The following EXOC4 variants were observed in gnomAD, a reference collection of about 807,000 sequenced individuals.
The protein encoded by EXOC4 is SEC8-like 1.
EXOC4 carries 71 observed loss-of-function variants against 107.2 expected under a neutral mutation model. That is an observed-to-expected ratio of 0.66 (90% CI 0.55 to 0.81). The LOEUF (loss-of-function observed/expected upper bound fraction) is 0.81. EXOC4 is among the 30% of genes least tolerant of loss of function. The pLI, the probability that EXOC4 is intolerant of heterozygous loss-of-function variation, is 0.00. For missense variants in EXOC4, 1,108 were observed against 1,189.6 expected, an observed-to-expected ratio of 0.93 and a Z score of 1.01; for synonymous variants, 456 against 441.2, an observed-to-expected ratio of 1.03 and a Z score of -0.42.
At chr7:133,531,978 G>A (rs545269003) in intron 9 of EXOC4, among the ~76,000 whole-genome samples, 6 of 152,036 alleles carry the variant, frequency 3.9e-5, no homozygotes, top group South Asian at 2.1e-4. Context: ...GTCTAAACAC[G>A]AAATTCATTT....
chr7:133,617,627 C>A (rs1802225445), intron 9 of EXOC4, among the ~76,000 whole-genome samples: 2 of 152,102 alleles, frequency 1.3e-5, no homozygotes, highest in Admixed American at 6.6e-5. Context: ...GGGAGTCTGA[C>A]AGAAGCATCC....
rs189866566 is a variant in EXOC4 at position 133,262,881 on chromosome 7, A to C, written c.86+9694A>C. 1.6e-4 allele frequency among the ~76,000 whole-genome samples: 25 copies of C among 152,284 alleles called. 1 individual carries two copies. The highest frequency in any genetic ancestry group is 5.8e-4 in the African/African-American group (24 of 41,566). On this transcript the variant is annotated intron_variant, in intron 1 of 17. Coordinates refer to ENST00000253861, the MANE Select transcript of EXOC4 (RefSeq NM_021807.4). The stretch of plus-strand genomic sequence containing the variant: ...TGTCCTCACCCAAATCTCATCTTGA[A>C]TTGTAGCTCCCATAATTTCCATGTG...
chr7:133,477,052 G>A (rs1799031812), intron 8 of EXOC4, among the ~76,000 whole-genome samples: 1 of 152,186 alleles, frequency 6.6e-6, no homozygotes, highest in South Asian at 2.1e-4. Context: ...GAAAAGTAGA[G>A]CAGGAAGTAC....
At chr7:133,480,525 G>GA in intron 9 of EXOC4, 1 of 881,496 alleles carries the variant, frequency 1.1e-6, no homozygotes, top group Non-Finnish European at 1.4e-6. Flanking sequence ...ATTTGGGAAA[G>GA]GGAAAATGCA....
chr7:133,481,912 G>A (rs865802736), intron 9 of EXOC4, among the ~76,000 whole-genome samples: 14 of 152,310 alleles, frequency 9.2e-5, no homozygotes, highest in Middle Eastern at 3.4e-3. Flanking sequence ...GCTGCCAAGA[G>A]TGAAAGGAAA....
chr7:133,723,727 G>A (rs1446666585), intron 10 of EXOC4, among the ~76,000 whole-genome samples: 1 of 152,136 alleles, frequency 6.6e-6, no homozygotes, highest in Non-Finnish European at 1.5e-5. Flanking sequence ...CTGGCCTCGG[G>A]TAAGGTACAT....
At chr7:133,866,572 T>C (rs1798645273) in intron 11 of EXOC4, among the ~76,000 whole-genome samples, 2 of 152,204 alleles carry the variant, frequency 1.3e-5, no homozygotes, top group African/African-American at 4.8e-5. Flanking sequence ...ATTGGTTAAT[T>C]TGAGGCATTG....
intron 9 of EXOC4, among the ~76,000 whole-genome samples, chr7:133,602,842 C>G (rs140245447): frequency 8.1e-4 from 124 of 152,260 alleles, no homozygotes; most frequent in African/African-American, 2.8e-3. Context: ...GGAATGATCT[C>G]TTTGCATGCC....
intron 10 of EXOC4, among the ~76,000 whole-genome samples, chr7:133,645,178 G>A (rs767103595): frequency 2.1e-4 from 30 of 145,278 alleles, no homozygotes; most frequent in African/African-American, 5.7e-4. Context: ...TGCAACCTCC[G>A]CCTCCCGGGT....
In EXOC4 at chr7:133,997,557, C is replaced by G; in HGVS notation, c.2272C>G (p.Gln758Glu). Residue 758 changes from glutamine to glutamate, a missense_variant, in exon 15 of 18, where the codon CAG (glutamine) becomes GAG (glutamate). By Grantham distance (29) the Gln-to-Glu change is conservative. Transcript: ENST00000253861. ...CCCCCCAGTGTCAGAGCAGATCATG[C>G]AGACTCTCAGTGAACTTGCCAAATC... ...DLPPVSEQIMQTLSELAKSFQ... is the reference protein window; with the variant it reads ...DLPPVSEQIMETLSELAKSFQ... 6.2e-7 allele frequency: 1 copy of G among 1,613,756 alleles called. No homozygotes were observed. The highest frequency in any genetic ancestry group is 1.7e-4 in the Middle Eastern group (1 of 6,056).
At chr7:133,415,624 TA>T (rs1293701606) in intron 7 of EXOC4, among the ~76,000 whole-genome samples, 2 of 152,098 alleles carry the variant, frequency 1.3e-5, no homozygotes, top group Admixed American at 6.6e-5. Flanking sequence ...GATCAAAGTA[TA>T]AAAAAATGGG....
rs541468551 is a variant in EXOC4, at chr7:134,046,169, A to G, written c.2688-18122A>G. 3.3e-5 allele frequency among the ~76,000 whole-genome samples: 5 copies of G among 152,282 alleles called. No individual in the cohort carries two copies. The East Asian group carries it at 9.7e-4, about 29-fold the overall frequency. On this transcript the variant is annotated intron_variant, in intron 17 of 17. Coordinates refer to ENST00000253861, the MANE Select transcript of EXOC4 (RefSeq NM_021807.4). ...ATACACCCTTATAACCATCACTCCT[A>G]TAAAAATACAGAATGTTAAAACCAC...
chr7:133,657,104 G>A (rs1240671900), intron 10 of EXOC4, among the ~76,000 whole-genome samples: 3 of 152,140 alleles, frequency 2.0e-5, no homozygotes, highest in Non-Finnish European at 4.4e-5. Context: ...AGAAAAACAA[G>A]TTTTGCTAAA....
intron 10 of EXOC4, among the ~76,000 whole-genome samples, chr7:133,654,010 T>G (rs1475461760): frequency 6.6e-6 from 1 of 152,200 alleles, no homozygotes; most frequent in African/African-American, 2.4e-5. Context: ...GAAGTGAGTT[T>G]CCTCTAGAAA....
At chr7:133,662,237 AAACAGGGCTCCATTTAATCTTAG>A (rs1793710705) in intron 10 of EXOC4, among the ~76,000 whole-genome samples, 1 of 152,130 alleles carries the variant, frequency 6.6e-6, no homozygotes, top group Non-Finnish European at 1.5e-5. Context: ...ATATAGTTGA[AAACAGGGCTCCATTTAATCTTAG>A]AACATACCCG....
chr7:133,308,370 C>T (rs1794799636), intron 4 of EXOC4, among the ~76,000 whole-genome samples: 2 of 152,060 alleles, frequency 1.3e-5, no homozygotes, highest in African/African-American at 4.8e-5. Context: ...GGCTCTAATC[C>T]AGTAGGACTG....
At chr7:133,899,745 CTTTTTTTT>C (rs35095963) in intron 12 of EXOC4, among the ~76,000 whole-genome samples, 3 of 86,232 alleles carry the variant, frequency 3.5e-5, no homozygotes, top group South Asian at 4.0e-4. Flanking sequence ...CAGATGTACT[CTTTTTTTT>C]TTTTTTTTTT....
rs1795011839 is a variant in EXOC4 at position 133,317,319 on chromosome 7, A to G, written c.692A>G (p.Asp231Gly). 1.9e-6 allele frequency: 3 copies of G among 1,613,732 alleles called. No individual in the cohort carries two copies. Among genetic ancestry groups the G allele is most frequent in the African/African-American group, 2.7e-5 (2 of 75,020 alleles). ...AAAGATGCTTCTGTTCCTCTGATTGATGTTACAAACCTCCCTACTCCTCGA... is the reference window on the plus strand; with the variant it reads ...AAAGATGCTTCTGTTCCTCTGATTGGTGTTACAAACCTCCCTACTCCTCGA... ...LVKDASVPLI[D>G]VTNLPTPRKF... The change falls in exon 5 of 18, where the codon GAT becomes GGT. Residue 231 changes from aspartate (D) to glycine (G), a missense_variant. Asp to Gly is a moderately conservative substitution (Grantham distance 94). Transcript: ENST00000253861.
intron 14 of EXOC4, among the ~76,000 whole-genome samples, chr7:133,958,035 T>A (rs1800858150): frequency 6.6e-6 from 1 of 152,196 alleles, no homozygotes; most frequent in Admixed American, 6.5e-5. Context: ...TCGTGATACT[T>A]CCTGTTAATT....
Sources: allele counts gnomAD v4.1 joint callset (sites outside exome capture counted in the v4.1 genomes callset), GRCh38; gene constraint gnomAD v4.1.1; transcripts MANE v1.5; gene names NCBI Gene and HGNC (gene_info 2026-07-23, HGNC 2026-07-21).